The following CDC14A variants were observed in gnomAD, a reference collection of about 807,000 sequenced individuals.
The protein encoded by CDC14A is cell division cycle 14A, also known as dual specificity protein phosphatase CDC14A.
Under a neutral mutation model 74.4 loss-of-function variants are expected in CDC14A, and 53 were observed. That is an observed-to-expected ratio of 0.71 (90% CI 0.57 to 0.89). The LOEUF (loss-of-function observed/expected upper bound fraction) is 0.89. Ranked by LOEUF, CDC14A falls within the 40% of genes least tolerant of loss-of-function variation. The pLI, the probability that CDC14A is intolerant of heterozygous loss-of-function variation, is 0.00. For synonymous variants in CDC14A, 247 were observed against 258.4 expected (o/e 0.96, Z 0.43); for missense variants, 646 against 713.7 (o/e 0.91, Z 1.08).
chr1:100,435,257 C>A (rs889276006), intron 5 of CDC14A, among the ~76,000 whole-genome samples: 24 of 152,108 alleles, frequency 1.6e-4, no homozygotes, highest in Non-Finnish European at 8.8e-5. Flanking sequence ...GAAGGAAAAT[C>A]CAGGAACCAA....
intron 7 of CDC14A, among the ~76,000 whole-genome samples, chr1:100,452,774 A>G (rs1389477953): frequency 6.6e-6 from 1 of 152,158 alleles, no homozygotes; most frequent in Non-Finnish European, 1.5e-5. Context: ...AGAAGTGGTA[A>G]TATCATACTC....
intron 11 of CDC14A, among the ~76,000 whole-genome samples, chr1:100,491,570 ATATTTTTTT>A (rs1670682657): frequency 1.5e-5 from 1 of 64,932 alleles, no homozygotes; most frequent in African/African-American, 8.1e-5. Flanking sequence ...ATATATATAT[ATATTTTTTT>A]TTTTTTTTTT....
At chr1:100,390,659 A>ATGATGT in intron 3 of CDC14A, 73 bp from the exon 4 acceptor site, 1 of 911,084 alleles carries the variant, frequency 1.1e-6, no homozygotes, top group Non-Finnish European at 1.8e-6. Flanking sequence ...AGGTTAAGAG[A>ATGATGT]TGATGTTTGC....
chr1:100,462,542 C>T, intron 8 of CDC14A, 109 bp from the exon 9 acceptor site: 1 of 826,920 alleles, frequency 1.2e-6, no homozygotes, highest in Non-Finnish European at 1.9e-6. Context: ...ACACACTTTC[C>T]TCCCAAGCTT....
At chr1:100,359,654 AAGAG>A (rs1227513049) in intron 2 of CDC14A, among the ~76,000 whole-genome samples, 1 of 152,180 alleles carries the variant, frequency 6.6e-6, no homozygotes, top group African/African-American at 2.4e-5. Context: ...ACCAAAAAGA[AAGAG>A]AGGAAAGAAA....
chr1:100,506,349 A>G (rs557567539), intron 15 of CDC14A, among the ~76,000 whole-genome samples: 1 of 152,274 alleles, frequency 6.6e-6, no homozygotes, highest in South Asian at 2.1e-4. Flanking sequence ...TACTAACTAC[A>G]TATCAAGAAC....
chr1:100,491,203 T>G (rs1002028342), intron 11 of CDC14A, among the ~76,000 whole-genome samples: 1 of 152,138 alleles, frequency 6.6e-6, no homozygotes, highest in African/African-American at 2.4e-5. Flanking sequence ...TAAAAAAATT[T>G]GCCCTGAAAA....
chr1:100,494,849 A>G lies in CDC14A; in HGVS notation c.1169A>G (p.Lys390Arg), dbSNP rs1647554362. ...TTAGAAGATGATGATGTGGAAATGA[A>G]AAATGGTATAACCCAGGGAGACAAA... Reference protein sequence around the residue: ...DNLEDDDVEMKNGITQGDKLR... With the variant: ...DNLEDDDVEMRNGITQGDKLR... The change falls in exon 12 of 16, where the codon AAA (lysine) becomes AGA (arginine). Residue 390 changes from lysine (K) to arginine (R), a missense_variant. Lys to Arg is a conservative substitution (Grantham distance 26). Transcript: ENST00000336454. The G allele has an allele frequency of 6.2e-7, 1 of 1,612,740 alleles. No individual in the cohort carries two copies. Among genetic ancestry groups the G allele is most frequent in the African/African-American group, 1.3e-5 (1 of 74,912 alleles).
intron 4 of CDC14A, among the ~76,000 whole-genome samples, chr1:100,407,818 A>G (rs1370563560): frequency 6.6e-6 from 1 of 152,078 alleles, no homozygotes; most frequent in Non-Finnish European, 1.5e-5. Flanking sequence ...TTAAAAATTT[A>G]TATTTATTTT....
chr1:100,345,606 A>G (rs1315502432), intron 1 of CDC14A, among the ~76,000 whole-genome samples: 1 of 152,242 alleles, frequency 6.6e-6, no homozygotes, highest in African/African-American at 2.4e-5. Context: ...ATGAATCCAG[A>G]TGATTCACAT....
chr1:100,460,023 A>T (rs143671011), intron 8 of CDC14A, among the ~76,000 whole-genome samples: 2 of 152,320 alleles, frequency 1.3e-5, no homozygotes, highest in African/African-American at 4.8e-5. Flanking sequence ...GGGTGTTGGA[A>T]TCTGACTGCC....
intron 2 of CDC14A, among the ~76,000 whole-genome samples, chr1:100,357,760 A>G (rs573483309): frequency 6.7e-6 from 1 of 148,528 alleles, no homozygotes; most frequent in Non-Finnish European, 1.5e-5. Flanking sequence ...AAAAAAAAAA[A>G]AGAAAGAAAT....
intron 15 of CDC14A, 195 bp downstream of exon 15, chr1:100,499,457 A>G (rs1178049891): frequency 1.4e-6 from 2 of 1,468,152 alleles, no homozygotes; most frequent in African/African-American, 1.4e-5. Flanking sequence ...ACGCCAAGTC[A>G]CAACTGGGTT....
At chr1:100,412,352 A>T (rs1183054003) in intron 4 of CDC14A, among the ~76,000 whole-genome samples, 1 of 152,012 alleles carries the variant, frequency 6.6e-6, no homozygotes, top group Non-Finnish European at 1.5e-5. Flanking sequence ...TATACAAGGG[A>T]TATGCCATGA....
chr1:100,418,790 A>G (rs1661866079), intron 4 of CDC14A, among the ~76,000 whole-genome samples: 1 of 152,208 alleles, frequency 6.6e-6, no homozygotes. Flanking sequence ...GTTGAAGGGA[A>G]AATTTTTTGT....
chr1:100,350,346 G>A (rs1044502173), upstream of CDC14A, among the ~76,000 whole-genome samples: 4 of 152,210 alleles, frequency 2.6e-5, no homozygotes, highest in African/African-American at 7.2e-5. Flanking sequence ...GCAGGCCTTG[G>A]CCTCCCAAAG....
chr1:100,437,928 C>T (rs1664526033), intron 5 of CDC14A, among the ~76,000 whole-genome samples: 1 of 151,254 alleles, frequency 6.6e-6, no homozygotes, highest in Non-Finnish European at 1.5e-5. Flanking sequence ...AAACGTAAAG[C>T]AGTAGTTTTT....
chr1:100,361,197 G>A (rs1242187908), intron 2 of CDC14A, among the ~76,000 whole-genome samples: 1 of 151,928 alleles, frequency 6.6e-6, no homozygotes, highest in East Asian at 1.9e-4. Context: ...GAAGTGAAAA[G>A]CATAACTTAA....
At chr1:100,414,935 A>C (rs887402411) in intron 4 of CDC14A, among the ~76,000 whole-genome samples, 2 of 152,052 alleles carry the variant, frequency 1.3e-5, no homozygotes, top group Non-Finnish European at 2.9e-5. Flanking sequence ...TTGCTTTATA[A>C]GGGGTTGGAC....
Sources: gnomAD v4.1 joint callset for allele counts (sites outside exome capture counted in the v4.1 genomes callset) on GRCh38, gnomAD v4.1.1 for gene constraint, MANE v1.5 for transcripts, NCBI Gene and HGNC (gene_info 2026-07-23, HGNC 2026-07-21) for gene names.